The following ARHGAP42 variants were observed in gnomAD, a reference collection of about 807,000 sequenced individuals.
ARHGAP42 encodes Rho GTPase activating protein 42.
Under a neutral mutation model 125.0 loss-of-function variants are expected in ARHGAP42, and 63 were observed. The ratio of observed to expected loss-of-function variants is 0.50; its 90% CI spans 0.41 to 0.62. ARHGAP42 has a LOEUF of 0.62. Among genes scored for constraint, ARHGAP42 ranks in the 20% least tolerant of loss-of-function variants. The pLI, the probability that ARHGAP42 is intolerant of heterozygous loss-of-function variation, is 0.00. For synonymous variants in ARHGAP42, 339 were observed against 351.0 expected, an observed-to-expected ratio of 0.97 and a Z score of 0.38; for missense variants, 766 against 1,024.2, an observed-to-expected ratio of 0.75 and a Z score of 3.44.
intron 3 of ARHGAP42, among the ~76,000 whole-genome samples, chr11:100,828,280 T>A (rs1202376092): frequency 6.6e-6 from 1 of 152,114 alleles, no homozygotes; most frequent in East Asian, 1.9e-4. Context: ...ATCCTTAGTG[T>A]TTTGCAAAGT....
chr11:100,891,634 G>A (rs1866221782), intron 4 of ARHGAP42, among the ~76,000 whole-genome samples: 1 of 151,844 alleles, frequency 6.6e-6, no homozygotes, highest in Non-Finnish European at 1.5e-5. Flanking sequence ...GTAGAGATAG[G>A]GTTTCACCAT....
intron 3 of ARHGAP42, among the ~76,000 whole-genome samples, chr11:100,858,123 G>GTGTGTTTGTGTGTTTATGTAATTAGGGTT (rs1865366734): frequency 6.7e-6 from 1 of 149,272 alleles, no homozygotes; most frequent in Non-Finnish European, 1.5e-5. Flanking sequence ...GTGTGTGTGT[G>GTGTGTTTGTGTGTTTATGTAATTAGGGTT]TTTATGTAAT....
intron 1 of ARHGAP42, among the ~76,000 whole-genome samples, chr11:100,738,035 G>A (rs1297329740): frequency 1.3e-5 from 2 of 152,142 alleles, no homozygotes; most frequent in African/African-American, 4.8e-5. Context: ...AATGTCAAAA[G>A]AAGACTTTAT....
rs1442970593 is a variant in ARHGAP42, at chr11:100,976,163, G to T, written c.1962G>T (p.Gln654His). Reference protein sequence around the residue: ...QNSTTKSASCQPREKSGGIPW... With the variant: ...QNSTTKSASCHPREKSGGIPW... ...GCACTACAAAGTCAGCTTCCTGCCA[G>T]CCCAGGGAGAAATCTGGAGGGATTC... is the stretch of plus-strand genomic sequence containing the variant. Residue 654 changes from glutamine to histidine, a missense_variant, in exon 20 of 24, where the codon CAG becomes CAT. By Grantham distance (24) the Gln-to-His change is conservative. Transcript: ENST00000298815. The T allele has an allele frequency of 6.4e-7, 1 of 1,551,650 alleles. No homozygotes were observed. Among genetic ancestry groups the T allele is most frequent in the East Asian group, 2.4e-5 (1 of 40,906 alleles).
At chr11:100,933,009 C>G in intron 6 of ARHGAP42, 147 bp from the exon 7 acceptor site, 2 of 573,392 alleles carry the variant, frequency 3.5e-6, no homozygotes, top group Non-Finnish European at 6.0e-6. Flanking sequence ...GTTTTATAAT[C>G]GTAAATCTAT....
intron 6 of ARHGAP42, among the ~76,000 whole-genome samples, chr11:100,924,826 TG>T (rs1248066896): frequency 5.9e-5 from 9 of 152,136 alleles, no homozygotes; most frequent in African/African-American, 1.9e-4. Flanking sequence ...TCAATTTTTT[TG>T]TTTGTGTTTG....
chr11:100,755,519 G>A (rs1565557324), intron 1 of ARHGAP42, among the ~76,000 whole-genome samples: 1 of 152,198 alleles, frequency 6.6e-6, no homozygotes, highest in Non-Finnish European at 1.5e-5. Context: ...TATCTGGAGA[G>A]TCCTTGCCAA....
At chr11:100,824,102 G>T (rs1034097400) in intron 3 of ARHGAP42, among the ~76,000 whole-genome samples, 1 of 152,158 alleles carries the variant, frequency 6.6e-6, no homozygotes, top group Non-Finnish European at 1.5e-5. Context: ...TTGTGCTTTT[G>T]CAGATTAAGT....
chr11:100,741,685 G>A (rs1009989984), intron 1 of ARHGAP42, among the ~76,000 whole-genome samples: 2 of 152,196 alleles, frequency 1.3e-5, no homozygotes, highest in African/African-American at 4.8e-5. Flanking sequence ...CTTAGATACT[G>A]CCTATAAAGC....
At chr11:100,893,452 T>C (rs1383224069) in intron 4 of ARHGAP42, among the ~76,000 whole-genome samples, 1 of 152,114 alleles carries the variant, frequency 6.6e-6, no homozygotes, top group Non-Finnish European at 1.5e-5. Context: ...AAAATTTTTC[T>C]TTGTATTTAT....
chr11:100,914,624 C>T (rs1378587032), intron 5 of ARHGAP42, among the ~76,000 whole-genome samples: 1 of 152,066 alleles, frequency 6.6e-6, no homozygotes, highest in Non-Finnish European at 1.5e-5. Context: ...GTAGCTCACC[C>T]GCAGCTCAAC....
At chr11:100,846,560 C>G (rs1163734788) in intron 3 of ARHGAP42, among the ~76,000 whole-genome samples, 1 of 152,128 alleles carries the variant, frequency 6.6e-6, no homozygotes, top group African/African-American at 2.4e-5. Context: ...TATTTGTTGG[C>G]TAGTAACTAT....
At chr11:100,906,891 T>C (rs575067155) in intron 4 of ARHGAP42, among the ~76,000 whole-genome samples, 1 of 152,218 alleles carries the variant, frequency 6.6e-6, no homozygotes, top group Non-Finnish European at 1.5e-5. Context: ...TAATACATTT[T>C]ATGTACCCTC....
chr11:100,776,999 A>AG, intron 2 of ARHGAP42, among the ~76,000 whole-genome samples: 1 of 150,740 alleles, frequency 6.6e-6, no homozygotes, highest in East Asian at 1.9e-4. Context: ...AAAAAAAAAA[A>AG]AACACGAAGA....
chr11:100,898,319 C>T (rs1403739100), intron 4 of ARHGAP42, among the ~76,000 whole-genome samples: 1 of 152,162 alleles, frequency 6.6e-6, no homozygotes, highest in African/African-American at 2.4e-5. Context: ...TGTTGTGTCT[C>T]TGCCAGGCTT....
At chr11:100,742,656 T>G (rs937206791) in intron 1 of ARHGAP42, among the ~76,000 whole-genome samples, 1 of 152,124 alleles carries the variant, frequency 6.6e-6, no homozygotes, top group Non-Finnish European at 1.5e-5. Context: ...GTCCAGGAAG[T>G]CATCATCTAG....
At chr11:100,934,048 A>T (rs571371682) in intron 7 of ARHGAP42, among the ~76,000 whole-genome samples, 12 of 152,334 alleles carry the variant, frequency 7.9e-5, no homozygotes, top group African/African-American at 2.6e-4. Flanking sequence ...CGGCCTCCCA[A>T]GTGCTGGGAT....
At chr11:100,979,461 A>T (rs1395057632) in intron 22 of ARHGAP42, among the ~76,000 whole-genome samples, 1 of 151,340 alleles carries the variant, frequency 6.6e-6, no homozygotes, top group Non-Finnish European at 1.5e-5. Context: ...GAGATGTTGT[A>T]GAGTTAATTG....
chr11:100,836,716 T>G (rs868710459), intron 3 of ARHGAP42, among the ~76,000 whole-genome samples: 47 of 144,036 alleles, frequency 3.3e-4, no homozygotes, highest in South Asian at 1.6e-3. Flanking sequence ...TTGTTTTTTT[T>G]TTGTTGTTGT....
Sources: allele counts gnomAD v4.1 joint callset (sites outside exome capture counted in the v4.1 genomes callset), GRCh38; gene constraint gnomAD v4.1.1; transcripts MANE v1.5; gene names NCBI Gene and HGNC (gene_info 2026-07-23, HGNC 2026-07-21).